Variants in CHST9 observed in about 807,000 individuals in gnomAD.
CHST9 encodes GalNAc-4-sulfotransferase 2.
In CHST9, 41 loss-of-function variants were observed where a neutral mutation model predicts 44.4. That is an observed-to-expected ratio of 0.92 (90% CI 0.72 to 1.20). The LOEUF (loss-of-function observed/expected upper bound fraction) is 1.20. CHST9 is among the 50% of genes most tolerant of loss of function. The pLI, the probability that CHST9 is intolerant of heterozygous loss-of-function variation, is 0.00. For synonymous variants in CHST9, 171 were observed against 178.4 expected, an observed-to-expected ratio of 0.96 and a Z score of 0.33; for missense variants, 504 against 516.5, an observed-to-expected ratio of 0.98 and a Z score of 0.23.
At chr18:27,146,730 C>G (rs1039928790) in intron 1 of CHST9, among the ~76,000 whole-genome samples, 3 of 152,120 alleles carry the variant, frequency 2.0e-5, no homozygotes, top group Non-Finnish European at 4.4e-5. Context: ...TAACAAAATA[C>G]AGGTAATTGA....
chr18:27,081,100 G>A (rs1319800214), intron 2 of CHST9, among the ~76,000 whole-genome samples: 1 of 152,130 alleles, frequency 6.6e-6, no homozygotes, highest in African/African-American at 2.4e-5. Flanking sequence ...TATTCAGAGG[G>A]ACCCTAGGTG....
chr18:26,947,131 T>G (rs2056175856), intron 4 of CHST9, among the ~76,000 whole-genome samples: 1 of 152,344 alleles, frequency 6.6e-6, no homozygotes, highest in South Asian at 2.1e-4. Flanking sequence ...TTTCACGATA[T>G]TGATTCTTCC....
chr18:26,936,876 TTAAC>T (rs1480361627), intron 5 of CHST9, among the ~76,000 whole-genome samples: 1 of 152,166 alleles, frequency 6.6e-6, no homozygotes, highest in Non-Finnish European at 1.5e-5. Flanking sequence ...AAATGGTAAA[TTAAC>T]TATTTTTATT....
chr18:27,126,395 G>C (rs889898029), intron 2 of CHST9, among the ~76,000 whole-genome samples: 1 of 152,162 alleles, frequency 6.6e-6, no homozygotes, highest in African/African-American at 2.4e-5. Context: ...CTAGTGGGTT[G>C]AGTGTGATAA....
At chr18:27,027,933 T>C (rs1005327271) in intron 3 of CHST9, among the ~76,000 whole-genome samples, 1 of 152,206 alleles carries the variant, frequency 6.6e-6, no homozygotes, top group Non-Finnish European at 1.5e-5. Context: ...AGAGTCTTGC[T>C]CTGTTGCCCA....
chr18:27,088,231 G>C (rs1381230575), intron 2 of CHST9, among the ~76,000 whole-genome samples: 1 of 152,144 alleles, frequency 6.6e-6, no homozygotes, highest in Non-Finnish European at 1.5e-5. Flanking sequence ...AGGTTGGAAA[G>C]ACAGGCTTTC....
At chr18:27,109,025 T>A (rs1188864344) in intron 2 of CHST9, among the ~76,000 whole-genome samples, 2 of 152,198 alleles carry the variant, frequency 1.3e-5, no homozygotes, top group Admixed American at 1.3e-4. Flanking sequence ...CACACCAAAA[T>A]ATCACGTGAC....
At chr18:27,130,117 G>A (rs2058458939) in intron 2 of CHST9, among the ~76,000 whole-genome samples, 1 of 152,108 alleles carries the variant, frequency 6.6e-6, no homozygotes, top group Admixed American at 6.5e-5. Context: ...TTCGGGAGGA[G>A]GCTGGGACTA....
chr18:27,139,535 C>T lies in CHST9; in HGVS notation c.121+3154G>A, dbSNP rs1015590942. On this transcript the variant is annotated intron_variant, in intron 2 of 5. Coordinates refer to ENST00000618847, the MANE Select transcript of CHST9 (RefSeq NM_031422.6). ...TATATAAAAAATAAATGTCTGCCTA[C>T]CTAGAAAACTGCAGAATTTCAACTC... 3.3e-5 allele frequency among the ~76,000 whole-genome samples: 5 copies of T among 151,852 alleles called. No individual in the cohort carries two copies. The East Asian group carries it at 7.7e-4, about 23-fold the overall frequency.
intron 4 of CHST9, among the ~76,000 whole-genome samples, chr18:26,969,295 C>T (rs2056507627): frequency 6.6e-6 from 1 of 152,042 alleles, no homozygotes; most frequent in Non-Finnish European, 1.5e-5. Context: ...AGCCACCGCG[C>T]CTGGCCACGA....
intron 4 of CHST9, among the ~76,000 whole-genome samples, chr18:26,972,417 T>G (rs1189940040): frequency 7.1e-6 from 1 of 140,360 alleles, no homozygotes; most frequent in East Asian, 2.1e-4. Context: ...GAGCAAGGAA[T>G]TGAAGGAGGT....
chr18:27,042,911 G>T (rs1296515942), intron 3 of CHST9, among the ~76,000 whole-genome samples: 1 of 151,580 alleles, frequency 6.6e-6, no homozygotes, highest in Non-Finnish European at 1.5e-5. Context: ...TTGTCACTTG[G>T]TTTTCACTTA....
At chr18:27,169,533 T>TAA (rs775710337) in intron 1 of CHST9, among the ~76,000 whole-genome samples, 2 of 151,188 alleles carry the variant, frequency 1.3e-5, no homozygotes, top group Non-Finnish European at 2.9e-5. Flanking sequence ...ATAACAGACT[T>TAA]AAAAACTTTA....
At chr18:27,112,946 T>C (rs978122833) in intron 2 of CHST9, among the ~76,000 whole-genome samples, 5 of 152,062 alleles carry the variant, frequency 3.3e-5, no homozygotes, top group African/African-American at 1.2e-4. Context: ...TCCCAGCACT[T>C]TGAGAGGCCG....
At chr18:26,961,665 C>T (rs2056402246) in intron 4 of CHST9, among the ~76,000 whole-genome samples, 1 of 152,140 alleles carries the variant, frequency 6.6e-6, no homozygotes. Context: ...TGGGCTCAAT[C>T]GATCCTCTTG....
intron 4 of CHST9, among the ~76,000 whole-genome samples, chr18:26,946,666 T>C (rs1182345070): frequency 6.6e-6 from 1 of 152,214 alleles, no homozygotes; most frequent in Non-Finnish European, 1.5e-5. Context: ...TACGTTTAAG[T>C]CTTTAATCCA....
chr18:27,009,499 C>G (rs185801094), intron 4 of CHST9, among the ~76,000 whole-genome samples: 157 of 152,286 alleles, frequency 1.0e-3, no homozygotes, highest in Middle Eastern at 0.01. Flanking sequence ...GCCAAGTCAT[C>G]ATCAGGCTAA....
At chr18:27,063,533 T>C (rs2057749097) in intron 2 of CHST9, among the ~76,000 whole-genome samples, 1 of 152,216 alleles carries the variant, frequency 6.6e-6, no homozygotes, top group Non-Finnish European at 1.5e-5. Context: ...TAAAGTGGGA[T>C]GGAGTTAGCC....
intron 2 of CHST9, among the ~76,000 whole-genome samples, chr18:27,104,845 A>G (rs1446281308): frequency 2.0e-5 from 3 of 150,678 alleles, no homozygotes; most frequent in Admixed American, 1.3e-4. Flanking sequence ...GAATACTTGA[A>G]AAAAAATGAA....
Sources: allele counts gnomAD v4.1 joint callset (sites outside exome capture counted in the v4.1 genomes callset), GRCh38; gene constraint gnomAD v4.1.1; transcripts MANE v1.5; gene names NCBI Gene and HGNC (gene_info 2026-07-23, HGNC 2026-07-21).